Variants in PCDHGB7 observed in about 807,000 individuals in gnomAD.
The protein encoded by PCDHGB7 is protocadherin gamma subfamily B, 7.
PCDHGB7 carries 37 observed loss-of-function variants against 61.4 expected under a neutral mutation model. The ratio of observed to expected loss-of-function variants is 0.60; its 90% CI spans 0.46 to 0.79. The LOEUF (loss-of-function observed/expected upper bound fraction) is 0.79, where lower values mean the gene tolerates loss of function less well. Ranked by LOEUF, PCDHGB7 falls within the 30% of genes least tolerant of loss-of-function variation. The pLI, the probability that PCDHGB7 is intolerant of heterozygous loss-of-function variation, is 0.00. For synonymous variants in PCDHGB7, 464 were observed against 503.5 expected (o/e 0.92, Z 1.05); for missense variants, 1,166 against 1,202.5 (o/e 0.97, Z 0.45).
rs2097718776 is a variant in PCDHGB7, at chr5:141,434,813, T to C, written c.2415+14539T>C. On this transcript the variant is annotated intron_variant, in intron 1 of 3. Coordinates refer to ENST00000398594, the MANE Select transcript of PCDHGB7 (RefSeq NM_018927.4). ...TTTTTTCTGAGCTTGGAGAAATATA[T>C]CCCTTAGTACACTTGGCATTTATAA... Among the ~76,000 whole-genome samples, 5 of 151,962 alleles carry C rather than the reference T, an allele frequency of 3.3e-5. No individual in the cohort carries two copies. In the South Asian group the frequency reaches 1.0e-3, roughly 32 times the overall value.
At position 141,489,888 on chromosome 5, in the gene PCDHGB7, T is replaced by TG. The variant is rs759744295; in HGVS notation, c.2416-4913dup. On this transcript the variant is annotated intron_variant, in intron 1 of 3. Coordinates refer to ENST00000398594, the MANE Select transcript of PCDHGB7 (RefSeq NM_018927.4). The surrounding 1 kb of genome is among the most constrained non-coding windows in gnomAD (Gnocchi z 4.5). ...ATCAGCTGGTGCTTACTGCTGTGGATGGGGGGACCCCAGCCCGCTCAGGGA... is the reference window on the plus strand; with the variant it reads ...ATCAGCTGGTGCTTACTGCTGTGGATGGGGGGGACCCCAGCCCGCTCAGGGA... 6.4e-5 allele frequency: 103 copies of TG among 1,614,088 alleles called. No individual in the cohort carries two copies. Among genetic ancestry groups the TG allele is most frequent in the Non-Finnish European group, 8.6e-5 (101 of 1,180,048 alleles).
chr5:141,425,248 G>T (rs954872490), intron 1 of PCDHGB7, among the ~76,000 whole-genome samples: 2 of 152,178 alleles, frequency 1.3e-5, no homozygotes, highest in Admixed American at 1.3e-4. Context: ...AAAAGGATAT[G>T]AGGTATTTGG....
Position 141,466,657 on chromosome 5 carries a change from C to T in PCDHGB7, c.2416-28150C>T, listed in dbSNP as rs143657719. Among the ~76,000 whole-genome samples the T allele has an allele frequency of 1.4e-3, 211 of 152,280 alleles. 1 individual carries two copies. The highest frequency in any genetic ancestry group is 4.7e-3 in the African/African-American group (197 of 41,542). On this transcript the variant is annotated intron_variant, in intron 1 of 3. Transcript: ENST00000398594. ...TCTCCATAAACTTTTCACAAAACAT[C>T]AGTGATTTCACCGTTCTTCCACTCA...
intron 1 of PCDHGB7, chr5:141,426,568 C>T: frequency 5.6e-6 from 2 of 354,402 alleles, no homozygotes; most frequent in Non-Finnish European, 5.6e-6. Flanking sequence ...TCGAGAGTCA[C>T]TGTCTTCAAA....
intron 1 of PCDHGB7, among the ~76,000 whole-genome samples, chr5:141,448,751 T>C (rs888567097): frequency 1.3e-5 from 2 of 151,804 alleles, no homozygotes; most frequent in South Asian, 4.2e-4. Context: ...CCATCCTGGC[T>C]AACACGGTGA....
chr5:141,460,624 T>TA (rs1464862917), intron 1 of PCDHGB7, among the ~76,000 whole-genome samples: 2 of 152,128 alleles, frequency 1.3e-5, no homozygotes, highest in African/African-American at 4.8e-5. Context: ...GATAGACAGA[T>TA]ACAGATATAT....
rs2096216088 is a variant in PCDHGB7 at position 141,418,057 on chromosome 5, G to A, written c.198G>A (p.Leu66=). The change falls in exon 1 of 4, where the codon CTG becomes CTA. Residue 66 remains leucine (L), a synonymous_variant. Transcript: ENST00000398594. ...LSVLDVSARE[L]RVSAEKLHFS... is the part of the protein sequence containing the mutation. ...TCCTGGATGTGTCGGCTCGCGAGCTGCGAGTGAGCGCGGAGAAGCTGCACT... is the reference window on the plus strand; with the variant it reads ...TCCTGGATGTGTCGGCTCGCGAGCTACGAGTGAGCGCGGAGAAGCTGCACT... The A allele has an allele frequency of 1.2e-6, 2 of 1,614,050 alleles. No individual in the cohort carries two copies. Among genetic ancestry groups the A allele is most frequent in the East Asian group, 4.5e-5 (2 of 44,886 alleles).
At position 141,444,152 on chromosome 5, in the gene PCDHGB7, A is replaced by ATT. The variant is rs747671382; in HGVS notation, c.2415+23913_2415+23914dup. ...GATATGTGTCACTTGTGTGTACTGG[A>ATT]TTTTTTTTTTTTTTTTTTTTTTTTT... On this transcript the variant is annotated intron_variant, in intron 1 of 3. Coordinates refer to ENST00000398594, the MANE Select transcript of PCDHGB7 (RefSeq NM_018927.4). Among the ~76,000 whole-genome samples, 286 of 33,894 alleles carry ATT rather than the reference A, an allele frequency of 8.4e-3. 107 individuals carry two copies. The highest frequency in any genetic ancestry group is 0.011 in the African/African-American group (76 of 7,180). The allele number at this position is 33,894 out of a possible 152,430, so 22.2% of individuals were successfully genotyped here. A position where few individuals can be genotyped will look rare whatever the true frequency, so the allele number is the denominator to read the frequency against.
In PCDHGB7 at chr5:141,433,040, A is replaced by ACGGACT. The variant is rs753119003; in HGVS notation, c.2415+12769_2415+12774dup. The ACGGACT allele has an allele frequency of 8.1e-6, 13 of 1,614,088 alleles. No homozygotes were observed. In the African/African-American group the frequency reaches 1.7e-4, roughly 22 times the overall value. On this transcript the variant is annotated intron_variant, in intron 1 of 3. Transcript: ENST00000398594. ...CTATTCCCACGAGGTTTCCCTCACC[A>ACGGACT]CGGACTCGCGGAAGAGTCACCTGAT...
At chr5:141,467,495 C>T (rs1161557245) in intron 1 of PCDHGB7, among the ~76,000 whole-genome samples, 1 of 152,140 alleles carries the variant, frequency 6.6e-6, no homozygotes, top group Non-Finnish European at 1.5e-5. Context: ...ATTTAGATCC[C>T]TGATCTAATT....
At chr5:141,508,535 C>CA (rs1426956469) in intron 3 of PCDHGB7, among the ~76,000 whole-genome samples, 1 of 152,172 alleles carries the variant, frequency 6.6e-6, no homozygotes, top group Admixed American at 6.5e-5. Flanking sequence ...GGGCACCCCC[C>CA]ACGAGGTGGG....
Position 141,424,520 on chromosome 5 carries a change from A to T in PCDHGB7, c.2415+4246A>T, listed in dbSNP as rs527395935. ...GTATGGAAGGTTTTTTAATGTAGTA[A>T]ATCCATATATAGAAATAACTTGATT... is the stretch of plus-strand genomic sequence containing the variant. On this transcript the variant is annotated intron_variant, in intron 1 of 3. Coordinates refer to ENST00000398594, the MANE Select transcript of PCDHGB7 (RefSeq NM_018927.4). 15 of 152,286 alleles carry T rather than the reference A, an allele frequency of 9.8e-5. No individual in the cohort carries two copies. In the East Asian group the frequency reaches 2.9e-3, roughly 29 times the overall value. The allele number at this position is 152,286 out of a possible 1,614,324, so 9.4% of individuals were successfully genotyped here. A position where few individuals can be genotyped will look rare whatever the true frequency, so the allele number is the denominator to read the frequency against.
Position 141,494,855 on chromosome 5 carries a change from G to A in PCDHGB7, c.2464G>A (p.Gly822Ser), listed in dbSNP as rs200418116. The A allele has an allele frequency of 4.8e-4, 774 of 1,614,092 alleles. 7 individuals carry two copies. The South Asian group carries it at 5.1e-3, about 11-fold the overall frequency. ...GCGTTTCTCTCAGGCCCAGAGACCC[G>A]GCACCAGCGGGTAGGTGACTGATTC... is the stretch of plus-strand genomic sequence containing the variant. ...DWRFSQAQRP[G>S]TSGSQNGDDT... Residue 822 changes from glycine (G) to serine (S), a missense_variant, in exon 2 of 4, where the codon GGC becomes AGC. Coordinates refer to ENST00000398594, the MANE Select transcript of PCDHGB7 (RefSeq NM_018927.4).
Position 141,495,110 on chromosome 5 carries a change from T to C in PCDHGB7, c.2474+245T>C, listed in dbSNP as rs74534116. Among the ~76,000 whole-genome samples the C allele has an allele frequency of 3.9e-3, 595 of 152,212 alleles. 3 individuals carry two copies. The highest frequency in any genetic ancestry group is 0.013 in the African/African-American group (538 of 41,532). On this transcript the variant is annotated intron_variant, in intron 2 of 3. Coordinates refer to ENST00000398594, the MANE Select transcript of PCDHGB7 (RefSeq NM_018927.4). The stretch of plus-strand genomic sequence containing the variant: ...TTCCCTCCTCGCCACGACCGGCACC[T>C]TTTCCTATCCCCTGAGGGCACTGTG...
rs1182148013 is a variant in PCDHGB7 at position 141,431,510 on chromosome 5, G to A, written c.2415+11236G>A. 2 of 1,613,904 alleles carry A rather than the reference G, an allele frequency of 1.2e-6. No individual in the cohort carries two copies. Among genetic ancestry groups the A allele is most frequent in the Admixed American group, 1.7e-5 (1 of 60,016 alleles). Reference sequence around the variant, plus strand: ...TGCTCAGCCCGAGTACCGCGCGAGCGTTCCGGAGAATCTGGCCTTGGGCAC... The same window carrying A: ...TGCTCAGCCCGAGTACCGCGCGAGCATTCCGGAGAATCTGGCCTTGGGCAC... On this transcript the variant is annotated intron_variant, in intron 1 of 3. Coordinates refer to ENST00000398594, the MANE Select transcript of PCDHGB7 (RefSeq NM_018927.4). The surrounding 1 kb of genome is among the most constrained non-coding windows in gnomAD (Gnocchi z 4.8).
intron 2 of PCDHGB7, among the ~76,000 whole-genome samples, chr5:141,502,947 G>A (rs933409229): frequency 3.0e-4 from 45 of 151,030 alleles, no homozygotes; most frequent in Admixed American, 1.8e-3. Context: ...GGGTTCAAGC[G>A]ATTCTCCTGC....
At chr5:141,440,280 A>G (rs1389627767) in intron 1 of PCDHGB7, 1 of 152,220 alleles carries the variant, frequency 6.6e-6, no homozygotes, top group East Asian at 1.9e-4. Context: ...CAGCCTGACC[A>G]ACATAGTGAA....
In PCDHGB7 at chr5:141,487,072, T is replaced by C. The variant is rs754589618; in HGVS notation, c.2416-7735T>C. On this transcript the variant is annotated intron_variant, in intron 1 of 3. Coordinates refer to ENST00000398594, the MANE Select transcript of PCDHGB7 (RefSeq NM_018927.4). This position sits in a 1 kb window ranked among gnomAD's most constrained non-coding sequence, Gnocchi z 5.0. ...CTGGGGAGGTGCGGACGGCTGTTCCTATCCCAGCTGACCTCCCACCACAGA... is the reference window on the plus strand; with the variant it reads ...CTGGGGAGGTGCGGACGGCTGTTCCCATCCCAGCTGACCTCCCACCACAGA... 8.1e-6 allele frequency: 13 copies of C among 1,614,010 alleles called. No homozygotes were observed. Among genetic ancestry groups the C allele is most frequent in the Non-Finnish European group, 1.1e-5 (13 of 1,179,966 alleles).
At chr5:141,503,660 C>A (rs2099827842) in intron 2 of PCDHGB7, among the ~76,000 whole-genome samples, 1 of 150,420 alleles carries the variant, frequency 6.6e-6, no homozygotes, top group Non-Finnish European at 1.5e-5. Flanking sequence ...AACAGAATTA[C>A]AACTCTTCCC....
Sources: gnomAD v4.1 joint callset for allele counts (sites outside exome capture counted in the v4.1 genomes callset) on GRCh38, gnomAD v4.1.1 for gene constraint, Gnocchi (gnomAD v3.1) non-coding constraint, MANE v1.5 for transcripts, NCBI Gene and HGNC (gene_info 2026-07-23, HGNC 2026-07-21) for gene names.